Variants in GATA4 observed in about 807,000 individuals in gnomAD.
GATA4 encodes the protein GATA binding protein 4.
GATA4 carries 7 observed loss-of-function variants against 37.9 expected under a neutral mutation model. That is an observed-to-expected ratio of 0.18 (90% CI 0.11 to 0.35). The LOEUF is 0.35. GATA4 is among the 10% of genes least tolerant of loss of function. The probability of loss-of-function intolerance (pLI) is 1.00; values close to 1 mark genes in which losing one functional copy is unlikely to be tolerated. For synonymous variants in GATA4, 372 were observed against 292.6 expected (o/e 1.27, Z -2.77); for missense variants, 647 against 653.0 (o/e 0.99, Z 0.10).
At chr8:11,738,969 G>C (rs938669112) in intron 2 of GATA4, among the ~76,000 whole-genome samples, 3 of 152,240 alleles carry the variant, frequency 2.0e-5, no homozygotes, top group Admixed American at 2.0e-4. Context: ...CCGAAGGGAG[G>C]GCCTCTCCCT....
intron 2 of GATA4, among the ~76,000 whole-genome samples, chr8:11,715,321 A>G (rs990880629): frequency 3.3e-5 from 5 of 152,228 alleles, no homozygotes; most frequent in African/African-American, 1.2e-4. Flanking sequence ...TTCACTATGC[A>G]TGCCTTGGAA....
intron 1 of GATA4, among the ~76,000 whole-genome samples, chr8:11,705,677 G>A (rs1799860886): frequency 6.6e-6 from 1 of 152,194 alleles, no homozygotes; most frequent in Non-Finnish European, 1.5e-5. Flanking sequence ...TTTTCCAAGA[G>A]CAGCTAATTC....
At chr8:11,753,145 G>T (rs560701151) in intron 4 of GATA4, among the ~76,000 whole-genome samples, 45 of 152,310 alleles carry the variant, frequency 3.0e-4, no homozygotes, top group African/African-American at 9.4e-4. Flanking sequence ...GCAGAAAGAT[G>T]TAAACAACCC....
At chr8:11,737,828 C>G (rs775686908) in intron 2 of GATA4, among the ~76,000 whole-genome samples, 2 of 152,158 alleles carry the variant, frequency 1.3e-5, no homozygotes, top group Non-Finnish European at 2.9e-5. Context: ...AAAAATGTTA[C>G]TGCATGAAAG....
In GATA4 at chr8:11,707,955, C is replaced by G; in HGVS notation, c.-358C>G. 1 of 340,388 alleles carries G rather than the reference C, an allele frequency of 2.9e-6. No individual in the cohort carries two copies. Among genetic ancestry groups the G allele is most frequent in the Non-Finnish European group, 5.6e-6 (1 of 177,916 alleles). 21.1% of individuals were successfully genotyped at this position (340,388 alleles called of 1,614,324 possible). On this transcript the variant is annotated 5_prime_UTR_variant, in exon 2 of 7. Coordinates refer to ENST00000532059, the MANE Select transcript of GATA4 (RefSeq NM_001308093.3). The surrounding 1 kb of genome is among the most constrained non-coding windows in gnomAD (Gnocchi z 4.7). ...CTCTCGGTGTGACGAGTGGGGGACCCGAAGGCTCGTGCGCCACCTCCAGGC... is the reference window on the plus strand; with the variant it reads ...CTCTCGGTGTGACGAGTGGGGGACCGGAAGGCTCGTGCGCCACCTCCAGGC...
upstream of GATA4, among the ~76,000 whole-genome samples, chr8:11,689,787 C>T (rs558466010): frequency 9.9e-5 from 15 of 152,262 alleles, no homozygotes; most frequent in East Asian, 2.5e-3. Flanking sequence ...AGGCTCTGCC[C>T]GAGAGCCCAG....
chr8:11,724,080 G>A lies in GATA4; in HGVS notation c.616+15152G>A, dbSNP rs11777889. 5.2e-3 allele frequency among the ~76,000 whole-genome samples: 793 copies of A among 152,134 alleles called. 7 individuals are homozygous for A. The highest frequency in any genetic ancestry group is 8.8e-3 in the Non-Finnish European group (596 of 68,000). On this transcript the variant is annotated intron_variant, in intron 2 of 6. Transcript: ENST00000532059. ...CACAGTATTCTCTTGTGACGGGCTC[G>A]TTTCCTTTGGCATAGTGTCTTCAAG...
intron 4 of GATA4, among the ~76,000 whole-genome samples, chr8:11,751,602 GC>G (rs1209812024): frequency 6.6e-6 from 1 of 152,142 alleles, no homozygotes; most frequent in East Asian, 1.9e-4. Context: ...AGGTCTTGTA[GC>G]CTAATAAGAA....
chr8:11,695,346 C>T (rs912193647), intron 1 of GATA4, among the ~76,000 whole-genome samples: 2 of 151,950 alleles, frequency 1.3e-5, no homozygotes, highest in African/African-American at 4.8e-5. Context: ...GCAGAGGTTG[C>T]GGTGAGCCAA....
In GATA4 at chr8:11,709,365, G is replaced by C. The variant is rs1204946948; in HGVS notation, c.616+437G>C. 6.6e-6 allele frequency among the ~76,000 whole-genome samples: 1 copy of C among 152,244 alleles called. No homozygotes were observed. Among genetic ancestry groups the C allele is most frequent in the South Asian group, 2.1e-4 (1 of 4,836 alleles). The stretch of plus-strand genomic sequence containing the variant: ...CGCCCTCGGGCCTCCGCAGGGAACT[G>C]ATTACAATGGTTTGGACCGCAGACC... On this transcript the variant is annotated intron_variant, in intron 2 of 6. Transcript: ENST00000532059. This position sits in a 1 kb window ranked among gnomAD's most constrained non-coding sequence, Gnocchi z 4.3.
At chr8:11,739,130 G>C (rs1049141095) in intron 2 of GATA4, among the ~76,000 whole-genome samples, 1 of 152,172 alleles carries the variant, frequency 6.6e-6, no homozygotes, top group African/African-American at 2.4e-5. Context: ...GGAAATTGAA[G>C]AAAATAAACA....
intron 2 of GATA4, among the ~76,000 whole-genome samples, chr8:11,748,102 T>C (rs1356864699): frequency 6.6e-6 from 1 of 152,128 alleles, no homozygotes; most frequent in African/African-American, 2.4e-5. Flanking sequence ...CCTGTAATCC[T>C]AGCTACTTCG....
chr8:11,685,063 T>G (rs1799095226), intron 1 of GATA4, among the ~76,000 whole-genome samples: 1 of 152,160 alleles, frequency 6.6e-6, no homozygotes, highest in Non-Finnish European at 1.5e-5. Context: ...TTAGCAAAGT[T>G]TATAATTTGA....
chr8:11,684,472 A>G (rs1799077149), intron 1 of GATA4, among the ~76,000 whole-genome samples: 1 of 152,248 alleles, frequency 6.6e-6, no homozygotes, highest in Non-Finnish European at 1.5e-5. Flanking sequence ...CTGAACCATA[A>G]ACTCATTACA....
intron 4 of GATA4, among the ~76,000 whole-genome samples, chr8:11,754,137 A>T (rs17153757): frequency 6.6e-6 from 1 of 152,186 alleles, no homozygotes; most frequent in African/African-American, 2.4e-5. Flanking sequence ...TGCAATAAGT[A>T]GAGTGATGTT....
At chr8:11,722,899 A>G (rs2130154965) in intron 2 of GATA4, among the ~76,000 whole-genome samples, 1 of 152,314 alleles carries the variant, frequency 6.6e-6, no homozygotes, top group Middle Eastern at 3.4e-3. Context: ...CTTATTGAAT[A>G]TTTGGTTACT....
intron 2 of GATA4, among the ~76,000 whole-genome samples, chr8:11,727,170 C>G (rs1179257513): frequency 6.6e-6 from 1 of 152,230 alleles, no homozygotes; most frequent in Non-Finnish European, 1.5e-5. Flanking sequence ...AGGATAGTGA[C>G]TCACTGCCTG....
intron 2 of GATA4, among the ~76,000 whole-genome samples, chr8:11,722,756 T>C (rs1800735125): frequency 6.6e-6 from 1 of 152,234 alleles, no homozygotes; most frequent in African/African-American, 2.4e-5. Flanking sequence ...AAGTTTGTGA[T>C]GGCAGCAGCC....
Position 11,750,127 on chromosome 8 carries a change from T to G in GATA4, c.803T>G (p.Val268Gly). 6.2e-7 allele frequency: 1 copy of G among 1,614,090 alleles called. No individual in the cohort carries two copies. The highest frequency in any genetic ancestry group is 8.5e-7 in the Non-Finnish European group (1 of 1,180,044). The change falls in exon 4 of 7, where the codon GTG becomes GGG. Residue 268 changes from valine to glycine, a missense_variant. Val to Gly is a moderately radical substitution (Grantham distance 109). Around this residue, in one of 5 missense-constraint regions of GATA4, gnomAD observed 56 missense variants for 64.5 expected, o/e 0.87. Coordinates refer to ENST00000532059, the MANE Select transcript of GATA4 (RefSeq NM_001308093.3). ...GTCTTGCAGTCCGCCTCCCGCCGAG[T>G]GGGCCTCTCCTGTGCCAACTGCCAG... ...PQRRLSASRR[V>G]GLSCANCQTT...
Sources: gnomAD v4.1 joint callset for allele counts (sites outside exome capture counted in the v4.1 genomes callset) on GRCh38, gnomAD v4.1.1 for gene constraint, gnomAD v4.1.1 regional missense constraint, Gnocchi (gnomAD v3.1) non-coding constraint, MANE v1.5 for transcripts, NCBI Gene and HGNC (gene_info 2026-07-23, HGNC 2026-07-21) for gene names.